PTPRM: variants seen among roughly 807,000 people sequenced by gnomAD.
The protein encoded by PTPRM is receptor-type tyrosine-protein phosphatase mu.
In PTPRM, 47 loss-of-function variants were observed where a neutral mutation model predicts 186.7. The observed-to-expected ratio is 0.25, with a 90% CI of 0.20 to 0.32. PTPRM has a LOEUF of 0.32. PTPRM is among the 10% of genes least tolerant of loss of function. The pLI, the probability that PTPRM is intolerant of heterozygous loss-of-function variation, is 1.00. For missense variants in PTPRM, 1,494 were observed against 1,865.0 expected, an observed-to-expected ratio of 0.80 and a Z score of 3.66; for synonymous variants, 668 against 674.9, an observed-to-expected ratio of 0.99 and a Z score of 0.16.
At chr18:8,053,898 T>G (rs1040248344) in intron 7 of PTPRM, among the ~76,000 whole-genome samples, 1 of 152,086 alleles carries the variant, frequency 6.6e-6, no homozygotes, top group Admixed American at 6.6e-5. Context: ...TCATTTGATC[T>G]TGTTGTAAAT....
At chr18:7,949,424 TC>T in intron 6 of PTPRM, 69 bp downstream of exon 6, 1 of 1,370,588 alleles carries the variant, frequency 7.3e-7, no homozygotes, top group Non-Finnish European at 1.0e-6. Flanking sequence ...TAGTTCATTA[TC>T]CCTTTAAAGC....
chr18:7,997,093 A>C (rs1438920594), intron 7 of PTPRM, among the ~76,000 whole-genome samples: 1 of 152,210 alleles, frequency 6.6e-6, no homozygotes, highest in Non-Finnish European at 1.5e-5. Flanking sequence ...GAGCAATCTT[A>C]GCAAAAAGAA....
intron 1 of PTPRM, among the ~76,000 whole-genome samples, chr18:7,683,773 GC>G (rs2039533202): frequency 6.6e-6 from 1 of 152,306 alleles, no homozygotes; most frequent in African/African-American, 2.4e-5. Context: ...GCTGAAGTGA[GC>G]GGGCTTGCTA....
intron 1 of PTPRM, among the ~76,000 whole-genome samples, chr18:7,605,721 C>T (rs979075782): frequency 2.6e-5 from 4 of 152,150 alleles, no homozygotes; most frequent in African/African-American, 7.2e-5. Context: ...TTTGCTTAAG[C>T]GTGTGAGGTT....
chr18:8,169,411 G>A (rs1298684325), intron 14 of PTPRM, among the ~76,000 whole-genome samples: 2 of 151,770 alleles, frequency 1.3e-5, no homozygotes, highest in African/African-American at 4.8e-5. Context: ...CAGCAGTTGT[G>A]GGGGTGAAGG....
intron 2 of PTPRM, among the ~76,000 whole-genome samples, chr18:7,826,574 A>C (rs987557846): frequency 6.6e-6 from 1 of 152,252 alleles, no homozygotes; most frequent in African/African-American, 2.4e-5. Context: ...AAGATGTTGA[A>C]TATTTCATGG....
intron 2 of PTPRM, 82 bp from the exon 3 acceptor site, chr18:7,888,024 C>A: frequency 1.3e-6 from 2 of 1,542,810 alleles, no homozygotes; most frequent in Non-Finnish European, 1.8e-6. Context: ...CAGTGCCAAC[C>A]CATGTAAATG....
At chr18:7,889,550 G>C (rs1728187919) in intron 3 of PTPRM, among the ~76,000 whole-genome samples, 2 of 151,954 alleles carry the variant, frequency 1.3e-5, no homozygotes, top group Admixed American at 1.3e-4. Context: ...TGTTGCCCAG[G>C]CTGGTCTCAA....
At chr18:7,998,277 C>A (rs1358035124) in intron 7 of PTPRM, among the ~76,000 whole-genome samples, 1 of 151,826 alleles carries the variant, frequency 6.6e-6, no homozygotes, top group African/African-American at 2.4e-5. Context: ...ACAAGGCAGG[C>A]ACAGAATCAC....
intron 7 of PTPRM, among the ~76,000 whole-genome samples, chr18:8,030,887 A>G (rs1189240932): frequency 5.3e-5 from 8 of 152,240 alleles, no homozygotes. Flanking sequence ...AAATCTCACA[A>G]AAGATGAGTT....
At chr18:7,860,265 G>A (rs1483080161) in intron 2 of PTPRM, among the ~76,000 whole-genome samples, 7 of 151,948 alleles carry the variant, frequency 4.6e-5, no homozygotes, top group Admixed American at 3.3e-4. Context: ...TAGAGACGGG[G>A]TTTCACCATG....
chr18:8,210,499 A>G (rs1339455928), intron 14 of PTPRM, among the ~76,000 whole-genome samples: 1 of 152,188 alleles, frequency 6.6e-6, no homozygotes. Context: ...CAGAGAGGGC[A>G]TGGCTCTACC....
chr18:8,176,160 A>C (rs1422683482), intron 14 of PTPRM, among the ~76,000 whole-genome samples: 1 of 152,210 alleles, frequency 6.6e-6, no homozygotes, highest in Non-Finnish European at 1.5e-5. Flanking sequence ...AAATTCATCC[A>C]GTATTTGGAG....
intron 7 of PTPRM, among the ~76,000 whole-genome samples, chr18:7,964,924 A>G (rs1276505944): frequency 1.3e-5 from 2 of 152,260 alleles, no homozygotes; most frequent in South Asian, 4.1e-4. Flanking sequence ...CTTCATTTAC[A>G]TATGAGACAC....
intron 7 of PTPRM, among the ~76,000 whole-genome samples, chr18:7,957,806 A>G (rs1023663629): frequency 6.6e-6 from 1 of 152,224 alleles, no homozygotes; most frequent in Non-Finnish European, 1.5e-5. Context: ...GAGCAAGTTA[A>G]AGGGAAACGT....
intron 1 of PTPRM, among the ~76,000 whole-genome samples, chr18:7,579,705 G>T (rs1211579394): frequency 6.6e-6 from 1 of 152,196 alleles, no homozygotes; most frequent in Non-Finnish European, 1.5e-5. Context: ...CTCTAAATTT[G>T]CCAATTTGAG....
intron 1 of PTPRM, among the ~76,000 whole-genome samples, chr18:7,657,591 A>G (rs111646576): frequency 5.7e-4 from 87 of 152,278 alleles, no homozygotes; most frequent in Middle Eastern, 3.4e-3. Context: ...CTCATTTTCT[A>G]TGCCGTATTC....
At chr18:7,815,948 C>T (rs909041599) in intron 2 of PTPRM, among the ~76,000 whole-genome samples, 5 of 152,150 alleles carry the variant, frequency 3.3e-5, no homozygotes, top group Non-Finnish European at 5.9e-5. Context: ...AGGACATCAG[C>T]GTATGTTCTG....
intron 4 of PTPRM, among the ~76,000 whole-genome samples, chr18:7,920,073 G>A (rs1264739139): frequency 6.6e-6 from 1 of 151,944 alleles, no homozygotes; most frequent in Non-Finnish European, 1.5e-5. Context: ...TCTTACCTAT[G>A]TGAGTGCCTT....
Sources: gnomAD v4.1 joint callset for allele counts (sites outside exome capture counted in the v4.1 genomes callset) on GRCh38, gnomAD v4.1.1 for gene constraint, MANE v1.5 for transcripts, NCBI Gene and HGNC (gene_info 2026-07-23, HGNC 2026-07-21) for gene names.